Variants in KIF1B observed in about 807,000 individuals in gnomAD.
The protein encoded by KIF1B is kinesin-like protein KIF1B.
Under a neutral mutation model 241.9 loss-of-function variants are expected in KIF1B, and 76 were observed. The ratio of observed to expected loss-of-function variants is 0.31; its 90% CI spans 0.26 to 0.38. KIF1B has a LOEUF of 0.38. KIF1B is among the 10% of genes least tolerant of loss of function. The pLI is 1.00. For missense variants in KIF1B, 1,622 were observed against 2,271.4 expected (o/e 0.71, Z 5.81); for synonymous variants, 750 against 796.7 (o/e 0.94, Z 0.99).
intron 21 of KIF1B, 27 bp from the exon 22 acceptor site, chr1:10,297,146 GA>G: frequency 2.1e-6 from 3 of 1,443,946 alleles, no homozygotes; most frequent in Non-Finnish European, 2.9e-6. Flanking sequence ...TAGCATTCTT[GA>G]ATTTTTTTTT....
chr1:10,334,490 T>G, intron 27 of KIF1B, 30 bp from the exon 28 acceptor site: 5 of 1,500,766 alleles, frequency 3.3e-6, no homozygotes, highest in South Asian at 1.1e-5. Context: ...ATGGATGTTC[T>G]GACATTTGTC....
At chr1:10,324,932 A>G (rs1557715004) in intron 26 of KIF1B, 37 bp downstream of exon 26, 2 of 1,611,594 alleles carry the variant, frequency 1.2e-6, no homozygotes, top group Non-Finnish European at 1.7e-6. Flanking sequence ...CTTTTAAAAT[A>G]ATGATTAGTT....
chr1:10,308,929 A>G (rs918235199), intron 22 of KIF1B, among the ~76,000 whole-genome samples: 10 of 152,188 alleles, frequency 6.6e-5, no homozygotes, highest in African/African-American at 7.2e-5. Flanking sequence ...TTTTCTCTAC[A>G]TACTCTTGGT....
At chr1:10,218,384 C>T (rs779939907) in intron 1 of KIF1B, among the ~76,000 whole-genome samples, 1 of 151,868 alleles carries the variant, frequency 6.6e-6, no homozygotes, top group Non-Finnish European at 1.5e-5. Context: ...TCTGGCTACT[C>T]ACATGGCTAT....
chr1:10,267,475 A>T lies in KIF1B; in HGVS notation c.525A>T (p.Gly175=). The T allele has an allele frequency of 6.2e-7, 1 of 1,614,194 alleles. No homozygotes were observed. Among genetic ancestry groups the T allele is most frequent in the Non-Finnish European group, 8.5e-7 (1 of 1,180,028 alleles). ...GTGTGCGTGAACACCCACTTCTTGG[A>T]CCCTATGTGGAGGATCTGTCCAAGT... The part of the protein sequence containing the change: ...NLRVREHPLL[G]PYVEDLSKLA... The change falls in exon 6 of 49, where the codon GGA becomes GGT. Residue 175 remains glycine, a synonymous_variant. Transcript: ENST00000676179.
Position 10,321,725 on chromosome 1 carries a change from T to C in KIF1B, c.2226T>C (p.His742=), listed in dbSNP as rs1396632386. The C allele has an allele frequency of 1.2e-6, 2 of 1,614,162 alleles. No homozygotes were observed. Among genetic ancestry groups the C allele is most frequent in the Non-Finnish European group, 1.7e-6 (2 of 1,179,980 alleles). Residue 742 remains histidine (H), a synonymous_variant, in exon 24 of 49, where the codon CAT becomes CAC. Transcript: ENST00000676179. ...EEEEEVPWTQ[H]EFELAQWAFR... is the part of the protein sequence containing the mutation. ...TTCTTTCAGTTCCTTGGACACAGCA[T>C]GAATTTGAGTTGGCCCAATGGGCCT...
In KIF1B at chr1:10,337,399, T is replaced by C; in HGVS notation, c.3288T>C (p.Gly1096=). The change falls in exon 31 of 49, where the codon GGT becomes GGC. Residue 1096 remains glycine (G), a synonymous_variant. Transcript: ENST00000676179. This position sits in a 1 kb window ranked among gnomAD's most constrained non-coding sequence, Gnocchi z 4.0. The part of the protein sequence containing the change: ...LDLKSSTLLD[G]KMVMEGFSEE... ...TGAAGTCAAGCACTTTGCTGGATGG[T>C]AAGATGGTAATGGAAGGGTTTTCTG... is the stretch of plus-strand genomic sequence containing the variant. 3.1e-6 allele frequency: 5 copies of C among 1,614,196 alleles called. No homozygotes were observed. The highest frequency in any genetic ancestry group is 4.2e-6 in the Non-Finnish European group (5 of 1,180,036).
chr1:10,223,541 G>GTTTT (rs1423341392), intron 1 of KIF1B, among the ~76,000 whole-genome samples: 1 of 118,592 alleles, frequency 8.4e-6, no homozygotes, highest in Non-Finnish European at 1.8e-5. Flanking sequence ...TTTTTGTTTT[G>GTTTT]TTTTGTTTTT....
In KIF1B at chr1:10,368,561, T is replaced by C. The variant is rs371724855; in HGVS notation, c.4824+23T>C. The C allele has an allele frequency of 8.8e-6, 14 of 1,599,170 alleles. No homozygotes were observed. In the African/African-American group the frequency reaches 1.7e-4, roughly 20 times the overall value. On this transcript the variant is annotated intron_variant, in intron 44 of 48. Transcript: ENST00000676179. ...AAGGTGAGCACATTGACTGTAATTT[T>C]TAGCCAGTATGTTGATAACTGATTT...
rs542162185 is a variant in KIF1B at position 10,244,773 on chromosome 1, T to C, written c.107-11474T>C. ...GACTACAGGCGCCCACCACCACGCC[T>C]GGCTAATTTTTTGTATTTTTAGTAG... is the stretch of plus-strand genomic sequence containing the variant. On this transcript the variant is annotated intron_variant, in intron 2 of 48. Coordinates refer to ENST00000676179, the MANE Select transcript of KIF1B (RefSeq NM_001365951.3). Among the ~76,000 whole-genome samples the C allele has an allele frequency of 2.2e-3, 336 of 151,748 alleles. 1 individual carries two copies. The highest frequency in any genetic ancestry group is 7.7e-3 in the African/African-American group (320 of 41,382).
chr1:10,373,492 C>G (rs1638802679), intron 45 of KIF1B, among the ~76,000 whole-genome samples: 1 of 151,826 alleles, frequency 6.6e-6, no homozygotes, highest in African/African-American at 2.4e-5. Flanking sequence ...ACCTCGGCCT[C>G]CCAAAGTGCT....
chr1:10,293,046 A>G (rs1650081821), intron 17 of KIF1B, among the ~76,000 whole-genome samples: 1 of 151,062 alleles, frequency 6.6e-6, no homozygotes, highest in South Asian at 2.1e-4. Flanking sequence ...GGTTTTCGCT[A>G]CAATTCTTCT....
intron 13 of KIF1B, 163 bp from the exon 14 acceptor site, chr1:10,278,934 A>G: frequency 2.0e-6 from 1 of 506,404 alleles, no homozygotes; most frequent in Non-Finnish European, 3.6e-6. Flanking sequence ...CTTATTGATT[A>G]GAGTCCGAGT....
At chr1:10,352,579 T>A in intron 37 of KIF1B, 52 bp from the exon 38 acceptor site, 9 of 1,444,428 alleles carry the variant, frequency 6.2e-6, no homozygotes, top group Non-Finnish European at 8.8e-6. Flanking sequence ...AATGAATTCA[T>A]GTTTTGTTTT....
At chr1:10,293,930 T>G (rs1397262898) in intron 17 of KIF1B, among the ~76,000 whole-genome samples, 1 of 152,200 alleles carries the variant, frequency 6.6e-6, no homozygotes, top group African/African-American at 2.4e-5. Flanking sequence ...TTTCTGAGAT[T>G]CCATTTTTCA....
intron 17 of KIF1B, among the ~76,000 whole-genome samples, chr1:10,293,763 T>C (rs1267635982): frequency 1.3e-5 from 2 of 152,148 alleles, no homozygotes; most frequent in Non-Finnish European, 2.9e-5. Flanking sequence ...CTTGAACAAA[T>C]GTTGAGATGT....
chr1:10,328,721 C>T (rs559638987), intron 27 of KIF1B, among the ~76,000 whole-genome samples: 12 of 152,324 alleles, frequency 7.9e-5, no homozygotes, highest in African/African-American at 2.9e-4. Context: ...GAGTAGGCAG[C>T]TTCATCTTAC....
chr1:10,250,612 G>A (rs1028462488), intron 2 of KIF1B, among the ~76,000 whole-genome samples: 4 of 152,150 alleles, frequency 2.6e-5, no homozygotes, highest in Admixed American at 2.6e-4. Flanking sequence ...GATTGCTTGA[G>A]CCAAGAGTCT....
chr1:10,226,042 G>T (rs1299689099), intron 1 of KIF1B, among the ~76,000 whole-genome samples: 1 of 152,194 alleles, frequency 6.6e-6, no homozygotes, highest in Admixed American at 6.6e-5. Context: ...ATATTGTGTA[G>T]TATGGATAGG....
Sources: gnomAD v4.1 joint callset for allele counts (sites outside exome capture counted in the v4.1 genomes callset) on GRCh38, gnomAD v4.1.1 for gene constraint, Gnocchi (gnomAD v3.1) non-coding constraint, MANE v1.5 for transcripts, NCBI Gene and HGNC (gene_info 2026-07-23, HGNC 2026-07-21) for gene names.